Variants in PRUNE2 observed in about 807,000 individuals in gnomAD.
The protein encoded by PRUNE2 is prune homolog 2 with BCH domain.
PRUNE2 carries 164 observed loss-of-function variants against 252.0 expected under a neutral mutation model. That is an observed-to-expected ratio of 0.65 (90% CI 0.57 to 0.74). The LOEUF (loss-of-function observed/expected upper bound fraction) is 0.74. PRUNE2 is among the 30% of genes least tolerant of loss of function. The probability of loss-of-function intolerance (pLI) is 0.00; values close to 1 mark genes in which losing one functional copy is unlikely to be tolerated. For missense variants in PRUNE2, 3,495 were observed against 3,711.0 expected (o/e 0.94, Z 1.51); for synonymous variants, 1,292 against 1,350.2 (o/e 0.96, Z 0.94).
rs537699980 is a variant in PRUNE2 at position 76,864,732 on chromosome 9, G to A, written c.37-10524C>T. Among the ~76,000 whole-genome samples, 10 of 152,216 alleles carry A rather than the reference G, an allele frequency of 6.6e-5. No homozygotes were observed. In the East Asian group the frequency reaches 7.7e-4, roughly 12 times the overall value. On this transcript the variant is annotated intron_variant, in intron 1 of 18. Transcript: ENST00000376718. The stretch of plus-strand genomic sequence containing the variant: ...GGAATCATCAGCAGTGGATGTGATC[G>A]GGGCAATTAAGAGAATAAGAAATGA...
intron 6 of PRUNE2, among the ~76,000 whole-genome samples, chr9:76,799,558 A>C (rs1244294407): frequency 6.6e-6 from 1 of 152,100 alleles, no homozygotes; most frequent in East Asian, 1.9e-4. Context: ...ATTTGTCCTA[A>C]GTTAAACATA....
chr9:76,699,492 C>T (rs2045701247), intron 9 of PRUNE2, among the ~76,000 whole-genome samples: 1 of 152,142 alleles, frequency 6.6e-6, no homozygotes, highest in Non-Finnish European at 1.5e-5. Context: ...GTCTTAATAG[C>T]AAAGTCTGAA....
Position 76,614,533 on chromosome 9 carries a change from G to T in PRUNE2, c.*37C>A. On this transcript the variant is annotated 3_prime_UTR_variant, in exon 19 of 19. Coordinates refer to ENST00000376718, the MANE Select transcript of PRUNE2 (RefSeq NM_015225.3). The stretch of plus-strand genomic sequence containing the variant: ...GGTAGATATGTTTCAACAGAACCAT[G>T]AACCAGAAAAGCATCCTCTTCTTCC... 1 of 1,580,896 alleles carries T rather than the reference G, an allele frequency of 6.3e-7. No homozygotes were observed. Among genetic ancestry groups the T allele is most frequent in the Non-Finnish European group, 8.7e-7 (1 of 1,150,070 alleles).
At chr9:76,651,793 CTT>C (rs1203179845) in intron 11 of PRUNE2, among the ~76,000 whole-genome samples, 2 of 152,200 alleles carry the variant, frequency 1.3e-5, no homozygotes, top group African/African-American at 4.8e-5. Flanking sequence ...TTCCTTCCCA[CTT>C]TATTGGAGAC....
chr9:76,776,667 A>G (rs537970801), intron 6 of PRUNE2, among the ~76,000 whole-genome samples: 22 of 151,494 alleles, frequency 1.5e-4, no homozygotes, highest in African/African-American at 4.1e-4. Context: ...GGTGCCCGCC[A>G]CTATGCCTAG....
intron 1 of PRUNE2, among the ~76,000 whole-genome samples, chr9:76,904,882 G>A (rs2063389699): frequency 6.6e-6 from 1 of 152,180 alleles, no homozygotes; most frequent in East Asian, 1.9e-4. Context: ...CACTCCCTTT[G>A]TTGTGCGAGG....
intron 15 of PRUNE2, 107 bp from the exon 16 acceptor site, chr9:76,629,397 CACTCTT>C: frequency 1.7e-6 from 1 of 577,684 alleles, no homozygotes; most frequent in Non-Finnish European, 3.0e-6. Context: ...CTTGCCACAG[CACTCTT>C]ACTAAGAGGC....
intron 6 of PRUNE2, among the ~76,000 whole-genome samples, chr9:76,816,191 A>G (rs2057684483): frequency 6.6e-6 from 1 of 151,586 alleles, no homozygotes; most frequent in African/African-American, 2.4e-5. Flanking sequence ...GAATTATATT[A>G]TAAGCATTTC....
At chr9:76,701,546 A>G (rs954750808) in intron 9 of PRUNE2, among the ~76,000 whole-genome samples, 1 of 152,134 alleles carries the variant, frequency 6.6e-6, no homozygotes, top group Non-Finnish European at 1.5e-5. Flanking sequence ...TCTGAGCTCA[A>G]TCTATAACAA....
chr9:76,757,506 T>C (rs571415922), intron 6 of PRUNE2, among the ~76,000 whole-genome samples: 75 of 152,332 alleles, frequency 4.9e-4, no homozygotes, highest in Non-Finnish European at 9.1e-4. Context: ...AAAGCATCTA[T>C]AAACCATTCT....
At chr9:76,830,766 T>A (rs1028209769) in intron 4 of PRUNE2, among the ~76,000 whole-genome samples, 1 of 150,012 alleles carries the variant, frequency 6.7e-6, no homozygotes, top group East Asian at 1.9e-4. Context: ...AAAAAAATTA[T>A]GGAGAGAAAA....
chr9:76,847,707 C>T (rs902244722), intron 3 of PRUNE2, among the ~76,000 whole-genome samples: 3 of 152,158 alleles, frequency 2.0e-5, no homozygotes, highest in African/African-American at 7.2e-5. Context: ...TGGATCAATC[C>T]AACTTTATTC....
At chr9:76,767,464 A>AG (rs1356837773) in intron 6 of PRUNE2, among the ~76,000 whole-genome samples, 2 of 146,956 alleles carry the variant, frequency 1.4e-5, no homozygotes, top group African/African-American at 5.2e-5. Context: ...AAAAAAAAAG[A>AG]AAGAAAGAAA....
intron 6 of PRUNE2, among the ~76,000 whole-genome samples, chr9:76,742,680 C>G (rs1242023141): frequency 6.6e-6 from 1 of 151,304 alleles, no homozygotes; most frequent in African/African-American, 2.4e-5. Context: ...GAAAAATATG[C>G]AAAAGACATA....
chr9:76,659,959 G>T (rs1233247344), intron 9 of PRUNE2, among the ~76,000 whole-genome samples: 1 of 151,778 alleles, frequency 6.6e-6, no homozygotes, highest in Non-Finnish European at 1.5e-5. Context: ...TTTCCTCTTT[G>T]CTAAAAGAGA....
chr9:76,774,459 T>TATTTATTTATTTA (rs759627070), intron 6 of PRUNE2, among the ~76,000 whole-genome samples: 3 of 139,036 alleles, frequency 2.2e-5, no homozygotes, highest in African/African-American at 7.9e-5. Context: ...CCTTTTTTTT[T>TATTTATTTATTTA]TTTTTTTTTT....
intron 6 of PRUNE2, among the ~76,000 whole-genome samples, chr9:76,814,044 C>A (rs1307713131): frequency 2.0e-5 from 3 of 152,180 alleles, no homozygotes; most frequent in African/African-American, 7.2e-5. Context: ...TAACTCCCAG[C>A]CTCAGGTGAT....
chr9:76,707,516 T>C lies in PRUNE2; in HGVS notation c.4758A>G (p.Leu1586=). The change falls in exon 8 of 19, where the codon CTA becomes CTG. Residue 1586 remains leucine, a synonymous_variant. Coordinates refer to ENST00000376718, the MANE Select transcript of PRUNE2 (RefSeq NM_015225.3). ...WSEQNHQESE[L]ITTDGQVEIV... is the part of the protein sequence containing the mutation. Reference sequence around the variant, plus strand: ...TTTCTACTTGGCCATCAGTGGTAATTAGTTCAGATTCTTGGTGATTCTGTT... The same window carrying C: ...TTTCTACTTGGCCATCAGTGGTAATCAGTTCAGATTCTTGGTGATTCTGTT... 6.2e-7 allele frequency: 1 copy of C among 1,613,942 alleles called. No individual in the cohort carries two copies. The highest frequency in any genetic ancestry group is 8.5e-7 in the Non-Finnish European group (1 of 1,179,820).
At chr9:76,723,615 G>A (rs759631781) in intron 6 of PRUNE2, among the ~76,000 whole-genome samples, 2 of 152,076 alleles carry the variant, frequency 1.3e-5, no homozygotes, top group South Asian at 4.2e-4. Flanking sequence ...ATCTGCAAAT[G>A]CTTGATTTAG....
Sources: gnomAD v4.1 joint callset for allele counts (sites outside exome capture counted in the v4.1 genomes callset) on GRCh38, gnomAD v4.1.1 for gene constraint, MANE v1.5 for transcripts, NCBI Gene and HGNC (gene_info 2026-07-23, HGNC 2026-07-21) for gene names.